SLAIN2: variants seen among roughly 807,000 people sequenced by gnomAD.
SLAIN2 encodes the protein SLAIN motif-containing protein 2.
A neutral mutation model predicts 56.6 loss-of-function variants in SLAIN2; 31 were observed. The ratio of observed to expected loss-of-function variants is 0.55; its 90% confidence interval spans 0.41 to 0.74. SLAIN2 has a LOEUF of 0.74. SLAIN2 is among the 30% of genes least tolerant of loss of function. SLAIN2 has a pLI of 0.00. For synonymous variants in SLAIN2, 317 were observed against 284.9 expected (o/e 1.11, Z -1.13); for missense variants, 777 against 754.2 (o/e 1.03, Z -0.35).
chr4:48,390,187 G>T (rs1716201937), intron 6 of SLAIN2, among the ~76,000 whole-genome samples: 1 of 149,466 alleles, frequency 6.7e-6, no homozygotes, highest in Non-Finnish European at 1.5e-5. Flanking sequence ...CAATTCCCCT[G>T]CCTCAGCCTC....
intron 2 of SLAIN2, among the ~76,000 whole-genome samples, chr4:48,377,159 G>T (rs1715839368): frequency 6.6e-6 from 1 of 151,008 alleles, no homozygotes; most frequent in Non-Finnish European, 1.5e-5. Flanking sequence ...TGGGCAACAT[G>T]GTGAGACCAC....
Position 48,361,651 on chromosome 4 carries a change from C to T in SLAIN2, c.390-8198C>T, listed in dbSNP as rs75174018. On this transcript the variant is annotated intron_variant, in intron 1 of 7. Transcript: ENST00000264313. ...TTTTTTTTTCCAAAATTGTTTTATC[C>T]GTTCTTTGGCCTTTGCATTTTTATA... Among the ~76,000 whole-genome samples the T allele has an allele frequency of 2.2e-3, 330 of 151,990 alleles. 11 individuals are homozygous for T. In the East Asian group the frequency reaches 0.057, roughly 26 times the overall value.
At position 48,414,436 on chromosome 4, in the gene SLAIN2, T is replaced by C. The variant is rs548005706; in HGVS notation, c.1361-5689T>C. Among the ~76,000 whole-genome samples the C allele has an allele frequency of 7.5e-4, 114 of 152,322 alleles. 1 individual carries two copies. The highest frequency in any genetic ancestry group is 7.2e-3 in the Admixed American group (110 of 15,298). ...ATTTGTTTAATATTTTACATTTTAC[T>C]AACAATTTACACATTTATTACTCGT... On this transcript the variant is annotated intron_variant, in intron 6 of 7. Coordinates refer to ENST00000264313, the MANE Select transcript of SLAIN2 (RefSeq NM_020846.2).
At chr4:48,390,014 C>A (rs1716194831) in intron 6 of SLAIN2, among the ~76,000 whole-genome samples, 1 of 151,846 alleles carries the variant, frequency 6.6e-6, no homozygotes, top group Non-Finnish European at 1.5e-5. Flanking sequence ...AAATTAAGAT[C>A]TGAAGACACA....
chr4:48,385,901 A>G (rs2109765440), intron 6 of SLAIN2, among the ~76,000 whole-genome samples: 1 of 151,940 alleles, frequency 6.6e-6, no homozygotes, highest in Admixed American at 6.5e-5. Context: ...CAGGAGTTTG[A>G]GACCAGCCTG....
Position 48,411,444 on chromosome 4 carries a change from T to A in SLAIN2, c.1361-8681T>A, listed in dbSNP as rs369720356. ...GGTCTGTGATCCATTTTGAGTTAAT[T>A]TTTTTAATAGTGTGAAGTGTAGGGG... On this transcript the variant is annotated intron_variant, in intron 6 of 7. Transcript: ENST00000264313. Among the ~76,000 whole-genome samples the A allele has an allele frequency of 1.2e-4, 19 of 152,292 alleles. No homozygotes were observed. In the East Asian group the frequency reaches 3.5e-3, roughly 28 times the overall value.
In SLAIN2 at chr4:48,420,612, C is replaced by T. The variant is rs906100534; in HGVS notation, c.1679+169C>T. On this transcript the variant is annotated intron_variant, in intron 7 of 7. Coordinates refer to ENST00000264313, the MANE Select transcript of SLAIN2 (RefSeq NM_020846.2). Reference sequence around the variant, plus strand: ...CTTTACTACATTGTTTTTAAGAAATCCTCATTTGGGACTTTTACCAGTTTG... The same window carrying T: ...CTTTACTACATTGTTTTTAAGAAATTCTCATTTGGGACTTTTACCAGTTTG... 6.1e-6 allele frequency: 5 copies of T among 823,272 alleles called. No individual in the cohort carries two copies. The African/African-American group carries it at 6.9e-5, about 11-fold the overall frequency. The allele number at this position is 823,272 out of a possible 1,614,324, so 51.0% of individuals were successfully genotyped here.
chr4:48,425,468 A>C lies in SLAIN2; in HGVS notation c.*3391A>C, dbSNP rs1323087724. ...GTGCATCTTTTCTTGTATGGATGGA[A>C]AAATCAAGAATTGTACACTGTTTAA... On this transcript the variant is annotated 3_prime_UTR_variant, in exon 8 of 8. Transcript: ENST00000264313. 1 of 152,162 alleles carries C rather than the reference A, an allele frequency of 6.6e-6. No individual in the cohort carries two copies. The highest frequency in any genetic ancestry group is 1.5e-5 in the Non-Finnish European group (1 of 68,002). The allele number at this position is 152,162 out of a possible 1,614,324, so 9.4% of individuals were successfully genotyped here.
intron 6 of SLAIN2, among the ~76,000 whole-genome samples, chr4:48,389,213 C>T (rs758917700): frequency 9.2e-5 from 14 of 152,170 alleles, no homozygotes; most frequent in Non-Finnish European, 1.8e-4. Flanking sequence ...TATCTAATCA[C>T]AAGGACACTT....
intron 1 of SLAIN2, among the ~76,000 whole-genome samples, chr4:48,356,905 G>C (rs1237326936): frequency 6.6e-6 from 1 of 152,004 alleles, no homozygotes; most frequent in Non-Finnish European, 1.5e-5. Flanking sequence ...TACTCTGCTT[G>C]CTTTGCACTG....
chr4:48,420,440 G>T lies in SLAIN2; in HGVS notation c.1676G>T (p.Arg559Leu), dbSNP rs746329675. ...CGCAGCAAACTTGCACAGCCTGTTC[G>T]CAGGTAAGTGGCAGATGTTCTGTTT... ...VPRSKLAQPVRRSLPAPKTYG... is the reference protein window; with the variant it reads ...VPRSKLAQPVLRSLPAPKTYG... The change falls in exon 7 of 8, where the codon CGC becomes CTC. Residue 559 changes from arginine to leucine, a missense_variant. By Grantham distance (102) the Arg-to-Leu change is moderately radical. Coordinates refer to ENST00000264313, the MANE Select transcript of SLAIN2 (RefSeq NM_020846.2). The T allele has an allele frequency of 4.3e-6, 7 of 1,613,136 alleles. No individual in the cohort carries two copies. The highest frequency in any genetic ancestry group is 2.2e-5 in the East Asian group (1 of 44,880).
chr4:48,420,231 A>C lies in SLAIN2; in HGVS notation c.1467A>C (p.Gln489His). Residue 489 changes from glutamine (Q) to histidine (H), a missense_variant, in exon 7 of 8, where the codon CAA (glutamine) becomes CAC (histidine). Physicochemically the swap from Gln to His is conservative, Grantham distance 24. Coordinates refer to ENST00000264313, the MANE Select transcript of SLAIN2 (RefSeq NM_020846.2). ...SNHGSGSPGS[Q>H]EITQLTQTTS... ...ATGGCTCTGGTTCTCCTGGTAGCCA[A>C]GAAATAACACAGCTCACACAAACCA... is the stretch of plus-strand genomic sequence containing the variant. 1 of 1,613,986 alleles carries C rather than the reference A, an allele frequency of 6.2e-7. No homozygotes were observed. The highest frequency in any genetic ancestry group is 8.5e-7 in the Non-Finnish European group (1 of 1,179,880).
In SLAIN2 at chr4:48,377,921, T is replaced by C. The variant is rs960512119; in HGVS notation, c.564T>C (p.Asn188=). Residue 188 remains asparagine, a synonymous_variant, in exon 3 of 8, where the codon AAT becomes AAC. Coordinates refer to ENST00000264313, the MANE Select transcript of SLAIN2 (RefSeq NM_020846.2). ...MSALKRQNLY[N]NPFNSMSYTS... ...CTCTCAAGAGGCAGAATTTATATAA[T>C]AATCCTTTCAACTCTATGAGTTACA... 5.6e-6 allele frequency: 9 copies of C among 1,613,672 alleles called. No individual in the cohort carries two copies. Among genetic ancestry groups the C allele is most frequent in the Non-Finnish European group, 7.6e-6 (9 of 1,179,866 alleles).
chr4:48,347,669 A>G (rs1316636375), intron 1 of SLAIN2, among the ~76,000 whole-genome samples: 1 of 152,224 alleles, frequency 6.6e-6, no homozygotes, highest in Non-Finnish European at 1.5e-5. Context: ...GTTCAGTGGC[A>G]TTAAGTACAT....
intron 5 of SLAIN2, 63 bp downstream of exon 5, chr4:48,382,990 C>G (rs552785711): frequency 2.1e-6 from 3 of 1,462,498 alleles, no homozygotes; most frequent in Non-Finnish European, 2.7e-6. Context: ...CATAGCAAGA[C>G]CCCGTCTCTA....
chr4:48,370,743 C>T (rs563548670), intron 2 of SLAIN2, among the ~76,000 whole-genome samples: 5 of 152,270 alleles, frequency 3.3e-5, no homozygotes, highest in Non-Finnish European at 7.4e-5. Flanking sequence ...TTCTCTCAGT[C>T]TGTTTTATGA....
chr4:48,358,519 A>G (rs1180116625), intron 1 of SLAIN2, among the ~76,000 whole-genome samples: 3 of 151,844 alleles, frequency 2.0e-5, no homozygotes, highest in Admixed American at 2.0e-4. Context: ...GGGTTTCTCC[A>G]TGTTGAGGCT....
In SLAIN2 at chr4:48,412,404, ACAC is replaced by A. The variant is rs1560465848; in HGVS notation, c.1361-7720_1361-7718del. On this transcript the variant is annotated intron_variant, in intron 6 of 7. Transcript: ENST00000264313. ...CACACACACACACACACACACACACACACACACACACATTCCCTCTCTCTCTCT... is the reference window on the plus strand; with the variant it reads ...CACACACACACACACACACACACACAACACACACATTCCCTCTCTCTCTCT... Among the ~76,000 whole-genome samples the A allele has an allele frequency of 5.7e-3, 314 of 55,460 alleles. 8 individuals are homozygous for A. The highest frequency in any genetic ancestry group is 0.017 in the African/African-American group (298 of 17,998). The allele number at this position is 55,460 out of a possible 152,430, so 36.4% of individuals were successfully genotyped here.
intron 6 of SLAIN2, among the ~76,000 whole-genome samples, chr4:48,388,668 G>C (rs1002574716): frequency 5.3e-5 from 8 of 152,154 alleles, no homozygotes; most frequent in African/African-American, 1.9e-4. Flanking sequence ...GCTCCTCCCT[G>C]AGTCTCCTAT....
Sources: allele counts gnomAD v4.1 joint callset (sites outside exome capture counted in the v4.1 genomes callset), GRCh38; gene constraint gnomAD v4.1.1; transcripts MANE v1.5; gene names NCBI Gene and HGNC (gene_info 2026-07-23, HGNC 2026-07-21).